SLC9C2: variants seen among roughly 807,000 people sequenced by gnomAD.
The protein encoded by SLC9C2 is sodium/hydrogen exchanger 11.
Under a neutral mutation model 140.2 loss-of-function variants are expected in SLC9C2, and 75 were observed. That is an observed-to-expected ratio of 0.53 (90% CI 0.44 to 0.65). The LOEUF is 0.65. Among genes scored for constraint, SLC9C2 ranks in the 30% least tolerant of loss-of-function variants. The pLI is 0.00. For synonymous variants in SLC9C2, 375 were observed against 420.9 expected, an observed-to-expected ratio of 0.89 and a Z score of 1.34; for missense variants, 1,074 against 1,331.8, an observed-to-expected ratio of 0.81 and a Z score of 3.01.
chr1:173,508,171 A>C (rs950742410), intron 24 of SLC9C2, among the ~76,000 whole-genome samples: 1 of 152,114 alleles, frequency 6.6e-6, no homozygotes, highest in Non-Finnish European at 1.5e-5. Flanking sequence ...AAAATCTAAA[A>C]AAAAATCAGC....
chr1:173,548,692 T>C (rs1663041984), intron 11 of SLC9C2, 140 bp from the exon 12 acceptor site: 1 of 835,384 alleles, frequency 1.2e-6, no homozygotes, highest in South Asian at 1.7e-5. Context: ...CAATTTTTCA[T>C]ACAAAACTTT....
intron 9 of SLC9C2, among the ~76,000 whole-genome samples, chr1:173,558,468 C>T (rs767398118): frequency 1.3e-5 from 2 of 152,154 alleles, no homozygotes; most frequent in Non-Finnish European, 2.9e-5. Flanking sequence ...AGTCAGCCTA[C>T]CTGTGTTAAA....
chr1:173,565,606 T>C (rs1664419197), intron 9 of SLC9C2, among the ~76,000 whole-genome samples: 2 of 152,264 alleles, frequency 1.3e-5, no homozygotes, highest in Non-Finnish European at 1.5e-5. Flanking sequence ...TGTTCATTAC[T>C]ATAGCTCTGC....
intron 13 of SLC9C2, among the ~76,000 whole-genome samples, chr1:173,538,156 C>T (rs1269985152): frequency 6.6e-6 from 1 of 152,196 alleles, no homozygotes; most frequent in African/African-American, 2.4e-5. Flanking sequence ...AATTCTGAAA[C>T]TGCCTTCCAA....
At chr1:173,510,586 T>C (rs1571429435) in intron 23 of SLC9C2, among the ~76,000 whole-genome samples, 3 of 152,174 alleles carry the variant, frequency 2.0e-5, no homozygotes, top group African/African-American at 7.2e-5. Flanking sequence ...ACATGCAGTG[T>C]TTGGTTTTCT....
At chr1:173,597,827 T>G (rs761167179) in intron 4 of SLC9C2, 77 bp downstream of exon 4, 33 of 1,344,470 alleles carry the variant, frequency 2.5e-5, no homozygotes, top group Non-Finnish European at 3.1e-5. Context: ...TTATTAATCA[T>G]CTATATAGGC....
At chr1:173,575,140 T>A (rs1000391773) in intron 8 of SLC9C2, among the ~76,000 whole-genome samples, 2 of 151,928 alleles carry the variant, frequency 1.3e-5, no homozygotes, top group African/African-American at 4.8e-5. Context: ...TTTTTTCAAT[T>A]CTCTCTACAG....
At chr1:173,530,129 A>C (rs936167432) in intron 17 of SLC9C2, 75 bp from the exon 18 acceptor site, 2 of 1,361,986 alleles carry the variant, frequency 1.5e-6, no homozygotes, top group East Asian at 4.6e-5. Flanking sequence ...AGAAATTCAT[A>C]AAGTGTCATC....
chr1:173,560,386 GGGCCACAGGGACCT>G (rs2102119931), intron 9 of SLC9C2, among the ~76,000 whole-genome samples: 1 of 152,274 alleles, frequency 6.6e-6, no homozygotes, highest in South Asian at 2.1e-4. Context: ...ACATTGCTCT[GGGCCACAGGGACCT>G]GCCCTACTCA....
intron 22 of SLC9C2, 114 bp downstream of exon 22, chr1:173,521,187 C>A: frequency 1.8e-6 from 1 of 544,784 alleles, no homozygotes. Flanking sequence ...GAAATGGTTT[C>A]ATCACATTAA....
chr1:173,596,105 T>C (rs949634858), intron 4 of SLC9C2, among the ~76,000 whole-genome samples: 1 of 152,224 alleles, frequency 6.6e-6, no homozygotes, highest in Admixed American at 6.5e-5. Flanking sequence ...GTTGTGCCTA[T>C]CGATACTCCA....
rs932677685 is a variant in SLC9C2, at chr1:173,501,028, C to A, written c.*66G>T. On this transcript the variant is annotated 3_prime_UTR_variant, in exon 28 of 28. Transcript: ENST00000367714. ...ATTTGAGCGAGGAAAGTAGTTTGGT[C>A]TTTAACCTGACTCCACACATCATAT... 2.8e-6 allele frequency: 4 copies of A among 1,433,870 alleles called. No individual in the cohort carries two copies. Among genetic ancestry groups the A allele is most frequent in the African/African-American group, 2.9e-5 (2 of 68,278 alleles). The allele number at this position is 1,433,870 out of a possible 1,614,324, so 88.8% of individuals were successfully genotyped here.
rs554289506 is a variant in SLC9C2 at position 173,555,514 on chromosome 1, G to A, written c.1216-700C>T. Among the ~76,000 whole-genome samples the A allele has an allele frequency of 2.6e-5, 4 of 152,274 alleles. No homozygotes were observed. In the Middle Eastern group the frequency reaches 0.014, roughly 518 times the overall value. ...TGTTAAACATACTGACTCCCGCTGTGGGTTGTGATTCTGTAGGTCTAGGGT... is the reference window on the plus strand; with the variant it reads ...TGTTAAACATACTGACTCCCGCTGTAGGTTGTGATTCTGTAGGTCTAGGGT... On this transcript the variant is annotated intron_variant, in intron 10 of 27. Transcript: ENST00000367714.
chr1:173,574,218 G>A (rs1189744862), intron 8 of SLC9C2, among the ~76,000 whole-genome samples: 5 of 152,220 alleles, frequency 3.3e-5, no homozygotes, highest in Non-Finnish European at 2.9e-5. Context: ...GACTGGGTAA[G>A]TGCATCTGCC....
chr1:173,568,230 G>A (rs1354172258), intron 9 of SLC9C2, among the ~76,000 whole-genome samples: 1 of 152,118 alleles, frequency 6.6e-6, no homozygotes, highest in Non-Finnish European at 1.5e-5. Flanking sequence ...CATCATGAAG[G>A]TATTAAGCCC....
chr1:173,528,649 C>T (rs1379146001), intron 18 of SLC9C2, among the ~76,000 whole-genome samples: 2 of 152,260 alleles, frequency 1.3e-5, no homozygotes, highest in Admixed American at 1.3e-4. Flanking sequence ...ACTGAGGTAA[C>T]GTAACCGTCA....
intron 9 of SLC9C2, among the ~76,000 whole-genome samples, chr1:173,565,872 T>A (rs1664439454): frequency 6.6e-6 from 1 of 152,050 alleles, no homozygotes. Flanking sequence ...CATGAAGGCA[T>A]GTTTTTATTA....
intron 16 of SLC9C2, 109 bp from the exon 17 acceptor site, chr1:173,533,906 A>C (rs545823765): frequency 1.4e-4 from 165 of 1,205,998 alleles, no homozygotes; most frequent in Non-Finnish European, 1.7e-4. Flanking sequence ...TTATATTCCG[A>C]AAGTTGAGCT....
At chr1:173,602,063 T>C (rs988492074) in intron 1 of SLC9C2, among the ~76,000 whole-genome samples, 2 of 152,152 alleles carry the variant, frequency 1.3e-5, no homozygotes, top group African/African-American at 4.8e-5. Flanking sequence ...TACTGTTACA[T>C]GTATATGGGA....
Sources: gnomAD v4.1 joint callset for allele counts (sites outside exome capture counted in the v4.1 genomes callset) on GRCh38, gnomAD v4.1.1 for gene constraint, MANE v1.5 for transcripts, NCBI Gene and HGNC (gene_info 2026-07-23, HGNC 2026-07-21) for gene names.